Variants in TBX18 observed in about 807,000 individuals in gnomAD.
The protein encoded by TBX18 is T-box transcription factor 18, also known as T-box transcription factor TBX18.
TBX18 carries 21 observed loss-of-function variants against 55.0 expected under a neutral mutation model. That is an observed-to-expected ratio of 0.38 (90% confidence interval 0.27 to 0.55). TBX18 has a LOEUF of 0.55. TBX18 is among the 20% of genes least tolerant of loss of function. The probability of loss-of-function intolerance (pLI) is 0.73; values close to 1 mark genes in which losing one functional copy is unlikely to be tolerated. For missense variants in TBX18, 840 were observed against 799.6 expected (o/e 1.05, Z -0.61); for synonymous variants, 342 against 326.1 (o/e 1.05, Z -0.53).
In TBX18 at chr6:84,732,751, A is replaced by G. The variant is rs1313356186; in HGVS notation, c.*3934T>C. On this transcript the variant is annotated 3_prime_UTR_variant, in exon 8 of 8. Coordinates refer to ENST00000369663, the MANE Select transcript of TBX18 (RefSeq NM_001080508.3). ...AAGCACAGTTCCATTTAAAGGATAAATTTCACATAATTCAACAAGTTGAAA... is the reference window on the plus strand; with the variant it reads ...AAGCACAGTTCCATTTAAAGGATAAGTTTCACATAATTCAACAAGTTGAAA... 1 of 152,028 alleles carries G rather than the reference A, an allele frequency of 6.6e-6. No homozygotes were observed. Among genetic ancestry groups the G allele is most frequent in the Non-Finnish European group, 1.5e-5 (1 of 67,954 alleles). The allele number at this position is 152,028 out of a possible 1,614,324, so 9.4% of individuals were successfully genotyped here. A position where few individuals can be genotyped will look rare whatever the true frequency, so the allele number is the denominator to read the frequency against.
At chr6:84,762,414 G>T in intron 2 of TBX18, 130 bp downstream of exon 2, 1 of 1,105,848 alleles carries the variant, frequency 9.0e-7, no homozygotes, top group Non-Finnish European at 1.4e-6. Flanking sequence ...TCTGGGGCCT[G>T]GTCCCGTTTG....
At chr6:84,737,518 G>C in intron 7 of TBX18, 109 bp from the exon 8 acceptor site, 2 of 1,217,302 alleles carry the variant, frequency 1.6e-6, no homozygotes, top group Non-Finnish European at 2.2e-6. Context: ...TTGGAGGAAT[G>C]CTACAGAGAT....
At position 84,736,856 on chromosome 6, in the gene TBX18, T is replaced by C. The variant is rs1415001256; in HGVS notation, c.1653A>G (p.Gln551=). 3.1e-6 allele frequency: 5 copies of C among 1,613,488 alleles called. No individual in the cohort carries two copies. Among genetic ancestry groups the C allele is most frequent in the Non-Finnish European group, 3.4e-6 (4 of 1,179,834 alleles). ...AASPEKIVSS[Q]GSFLGSSPSG... ...TCGGTGAGGACCCCAAGAAACTTCC[T>C]TGGGAAGAAACAATTTTCTCAGGAC... is the stretch of plus-strand genomic sequence containing the variant. Residue 551 remains glutamine (Q), a synonymous_variant, in exon 8 of 8, where the codon CAA becomes CAG. Coordinates refer to ENST00000369663, the MANE Select transcript of TBX18 (RefSeq NM_001080508.3).
Position 84,735,419 on chromosome 6 carries a change from T to C in TBX18, c.*1266A>G, listed in dbSNP as rs144739255. 6.6e-6 allele frequency: 1 copy of C among 152,332 alleles called. No individual in the cohort carries two copies. The highest frequency in any genetic ancestry group is 1.5e-5 in the Non-Finnish European group (1 of 68,030). The allele number at this position is 152,332 out of a possible 1,614,324, so 9.4% of individuals were successfully genotyped here. On this transcript the variant is annotated 3_prime_UTR_variant, in exon 8 of 8. Coordinates refer to ENST00000369663, the MANE Select transcript of TBX18 (RefSeq NM_001080508.3). ...AGTTTTATAGTTCCTTTATCATAAT[T>C]AGTATCTTCCTTCTTAGTCCTCCAA...
chr6:84,763,671 G>C (rs1306999687), intron 1 of TBX18, among the ~76,000 whole-genome samples: 1 of 152,140 alleles, frequency 6.6e-6, no homozygotes, highest in African/African-American at 2.4e-5. Flanking sequence ...GGGTCGCCGA[G>C]TGGGCGGCGG....
intron 6 of TBX18, among the ~76,000 whole-genome samples, chr6:84,740,645 C>A (rs984765926): frequency 1.3e-5 from 2 of 152,068 alleles, no homozygotes; most frequent in Admixed American, 6.6e-5. Flanking sequence ...AGCTGATCAC[C>A]CTCTATTCAA....
chr6:84,750,173 T>A (rs1475095860), intron 4 of TBX18, among the ~76,000 whole-genome samples: 1 of 151,326 alleles, frequency 6.6e-6, no homozygotes, highest in Non-Finnish European at 1.5e-5. Flanking sequence ...TAGTCCCAGC[T>A]ACTTGGGAAG....
chr6:84,763,498 G>C (rs1165088549), intron 1 of TBX18: 1 of 485,310 alleles, frequency 2.1e-6, no homozygotes, highest in Middle Eastern at 3.2e-4. Context: ...ATTCGTTCCG[G>C]TTTCAGGGTG....
chr6:84,738,677 A>C, intron 6 of TBX18, 86 bp from the exon 7 acceptor site: 1 of 976,808 alleles, frequency 1.0e-6, no homozygotes, highest in African/African-American at 1.6e-5. Flanking sequence ...AGCATCTCAA[A>C]ACAACACTGA....
Position 84,737,355 on chromosome 6 carries a change from G to T in TBX18, c.1154C>A (p.Thr385Asn). The change falls in exon 8 of 8, where the codon ACT becomes AAT. Residue 385 changes from threonine (T) to asparagine (N), a missense_variant. Transcript: ENST00000369663. ...GGAGCCAGACAAAAGGTGAGGGTGAGTGGCAGGAACGCCATTCCCAGTACC... is the reference window on the plus strand; with the variant it reads ...GGAGCCAGACAAAAGGTGAGGGTGATTGGCAGGAACGCCATTCCCAGTACC... The part of the protein sequence containing the change: ...LQGTGNGVPA[T>N]HPHLLSGSSC... 6.4e-7 allele frequency: 1 copy of T among 1,559,836 alleles called. No homozygotes were observed. The highest frequency in any genetic ancestry group is 8.7e-7 in the Non-Finnish European group (1 of 1,155,896).
Position 84,762,589 on chromosome 6 carries a change from C to G in TBX18, c.452G>C (p.Arg151Pro). The change falls in exon 2 of 8, where the codon CGC (arginine) becomes CCC (proline). Residue 151 changes from arginine (R) to proline (P), a missense_variant. Coordinates refer to ENST00000369663, the MANE Select transcript of TBX18 (RefSeq NM_001080508.3). ...VDLQGAELWK[R>P]FHEIGTEMII... ...CATCTCAGTGCCTATCTCATGAAAGCGCTTCCAGAGCTCGGCTCCCTGCAG... is the reference window on the plus strand; with the variant it reads ...CATCTCAGTGCCTATCTCATGAAAGGGCTTCCAGAGCTCGGCTCCCTGCAG... 6.2e-7 allele frequency: 1 copy of G among 1,613,900 alleles called. No homozygotes were observed. The highest frequency in any genetic ancestry group is 8.5e-7 in the Non-Finnish European group (1 of 1,179,962).
rs1045195378 is a variant in TBX18 at position 84,734,378 on chromosome 6, T to G, written c.*2307A>C. 6.6e-6 allele frequency: 1 copy of G among 152,238 alleles called. No individual in the cohort carries two copies. Among genetic ancestry groups the G allele is most frequent in the African/African-American group, 2.4e-5 (1 of 41,458 alleles). The allele number at this position is 152,238 out of a possible 1,614,324, so 9.4% of individuals were successfully genotyped here. A position where few individuals can be genotyped will look rare whatever the true frequency, so the allele number is the denominator to read the frequency against. ...AGAATTTGCGTTTGGGGTGTGCATG[T>G]GTGTGCTTATTCTTGGATCAATATT... is the stretch of plus-strand genomic sequence containing the variant. On this transcript the variant is annotated 3_prime_UTR_variant, in exon 8 of 8. Transcript: ENST00000369663.
At chr6:84,754,136 C>T (rs1289642779) in intron 4 of TBX18, among the ~76,000 whole-genome samples, 1 of 152,118 alleles carries the variant, frequency 6.6e-6, no homozygotes, top group Non-Finnish European at 1.5e-5. Context: ...TCATGTTGGC[C>T]AGGCTGGTCT....
At chr6:84,740,995 T>C (rs1767033264) in intron 6 of TBX18, 1 of 152,230 alleles carries the variant, frequency 6.6e-6, no homozygotes, top group Non-Finnish European at 1.5e-5. Flanking sequence ...TATATAACCC[T>C]AAGCTTTAAA....
At chr6:84,750,270 C>T (rs1336505215) in intron 4 of TBX18, among the ~76,000 whole-genome samples, 3 of 130,796 alleles carry the variant, frequency 2.3e-5, no homozygotes, top group Non-Finnish European at 3.1e-5. Context: ...GGTGACAGAG[C>T]GAGATTCTAT....
chr6:84,746,476 ATAT>A (rs1224597911), intron 5 of TBX18, among the ~76,000 whole-genome samples: 9 of 145,900 alleles, frequency 6.2e-5, no homozygotes, highest in Admixed American at 6.9e-5. Flanking sequence ...ATTGTACAGT[ATAT>A]TATACTATTT....
At chr6:84,741,926 C>T (rs946280555) in intron 6 of TBX18, 5 of 152,132 alleles carry the variant, frequency 3.3e-5, no homozygotes, top group African/African-American at 1.2e-4. Context: ...ACTGAATTAT[C>T]TCTTCTCCAA....
intron 4 of TBX18, among the ~76,000 whole-genome samples, chr6:84,750,054 G>C (rs1158462875): frequency 6.6e-6 from 1 of 152,098 alleles, no homozygotes; most frequent in African/African-American, 2.4e-5. Context: ...GGGAGGCCGA[G>C]GTGGGTGGAT....
At chr6:84,743,645 G>T (rs1004447660) in intron 6 of TBX18, among the ~76,000 whole-genome samples, 1 of 152,108 alleles carries the variant, frequency 6.6e-6, no homozygotes, top group Non-Finnish European at 1.5e-5. Flanking sequence ...AAAACCCTTT[G>T]CCACATAGAC....
Sources: allele counts gnomAD v4.1 joint callset (sites outside exome capture counted in the v4.1 genomes callset), GRCh38; gene constraint gnomAD v4.1.1; transcripts MANE v1.5; gene names NCBI Gene and HGNC (gene_info 2026-07-23, HGNC 2026-07-21).